Variants in KCNIP1 observed in about 807,000 individuals in gnomAD.
KCNIP1 encodes the protein A-type potassium channel modulatory protein KCNIP1.
Under a neutral mutation model 33.0 loss-of-function variants are expected in KCNIP1, and 18 were observed. That is an observed-to-expected ratio of 0.55 (90% CI 0.38 to 0.81). The LOEUF (loss-of-function observed/expected upper bound fraction) is 0.81, where lower values mean the gene tolerates loss of function less well. Among genes scored for constraint, KCNIP1 ranks in the 30% least tolerant of loss-of-function variants. The pLI, the probability that KCNIP1 is intolerant of heterozygous loss-of-function variation, is 0.00. For synonymous variants in KCNIP1, 93 were observed against 98.3 expected (o/e 0.95, Z 0.32); for missense variants, 238 against 271.6 (o/e 0.88, Z 0.87).
intron 1 of KCNIP1, chr5:170,378,401 G>T: frequency 3.1e-6 from 1 of 326,136 alleles, no homozygotes; most frequent in Admixed American, 4.6e-5. Context: ...TTCTCTGTGG[G>T]GCACATAGTG....
rs188423232 is a variant in KCNIP1, at chr5:170,692,382, G to A, written c.62-26376G>A. ...TGAAAATAAATCCCCCAGGCTTGGAGAAGCAAAGAATCAATGCTAAGCAGC... is the reference window on the plus strand; with the variant it reads ...TGAAAATAAATCCCCCAGGCTTGGAAAAGCAAAGAATCAATGCTAAGCAGC... On this transcript the variant is annotated intron_variant, in intron 1 of 7. Coordinates refer to ENST00000328939, the MANE Select transcript of KCNIP1 (RefSeq NM_014592.4). Among the ~76,000 whole-genome samples the A allele has an allele frequency of 7.9e-5, 12 of 152,342 alleles. No homozygotes were observed. In the East Asian group the frequency reaches 2.3e-3, roughly 29 times the overall value.
At chr5:170,414,691 A>G (rs914173790) in intron 1 of KCNIP1, among the ~76,000 whole-genome samples, 1 of 152,262 alleles carries the variant, frequency 6.6e-6, no homozygotes, top group Non-Finnish European at 1.5e-5. Flanking sequence ...CTAGATGTTG[A>G]CTATTGAATG....
chr5:170,371,692 G>T (rs1462399160), intron 1 of KCNIP1, among the ~76,000 whole-genome samples: 1 of 152,182 alleles, frequency 6.6e-6, no homozygotes, highest in East Asian at 1.9e-4. Flanking sequence ...CATTCAGGTA[G>T]GTGTTCAACA....
At chr5:170,468,653 G>T (rs930361505) in intron 1 of KCNIP1, among the ~76,000 whole-genome samples, 3 of 152,066 alleles carry the variant, frequency 2.0e-5, no homozygotes, top group African/African-American at 7.2e-5. Context: ...GGCCGAGGTG[G>T]GTGGATAGCT....
intron 1 of KCNIP1, among the ~76,000 whole-genome samples, chr5:170,583,254 A>G (rs1757864668): frequency 6.6e-6 from 1 of 152,164 alleles, no homozygotes; most frequent in South Asian, 2.1e-4. Flanking sequence ...CATGACCACT[A>G]GCATCTAAGT....
chr5:170,665,653 C>T (rs958621768), intron 1 of KCNIP1, among the ~76,000 whole-genome samples: 20 of 152,210 alleles, frequency 1.3e-4, no homozygotes, highest in Non-Finnish European at 2.8e-4. Flanking sequence ...TTAACTCAGA[C>T]TTCCTTAGTT....
At chr5:170,439,393 C>G (rs867435066) in intron 1 of KCNIP1, among the ~76,000 whole-genome samples, 2 of 152,312 alleles carry the variant, frequency 1.3e-5, no homozygotes, top group Middle Eastern at 3.4e-3. Context: ...GGGCCCCGGG[C>G]TGGGCTGCCT....
chr5:170,646,925 C>T lies in KCNIP1; in HGVS notation c.62-71833C>T, dbSNP rs181282550. Among the ~76,000 whole-genome samples the T allele has an allele frequency of 8.2e-4, 125 of 152,164 alleles. 1 individual carries two copies. Among genetic ancestry groups the T allele is most frequent in the South Asian group, 1.7e-3 (8 of 4,818 alleles). ...CAGGATAAGGTTAATATACAAAAGTCGATCACTTTCCTATATACCAGCAAT... is the reference window on the plus strand; with the variant it reads ...CAGGATAAGGTTAATATACAAAAGTTGATCACTTTCCTATATACCAGCAAT... On this transcript the variant is annotated intron_variant, in intron 1 of 7. Transcript: ENST00000328939.
At chr5:170,407,891 AAC>A (rs1052466484) in intron 1 of KCNIP1, among the ~76,000 whole-genome samples, 3 of 53,650 alleles carry the variant, frequency 5.6e-5, no homozygotes, top group Non-Finnish European at 1.1e-4. Context: ...GTGACCTTCA[AAC>A]TATGGTGGCA....
At chr5:170,362,179 A>G (rs1157862663) in intron 1 of KCNIP1, among the ~76,000 whole-genome samples, 2 of 152,198 alleles carry the variant, frequency 1.3e-5, no homozygotes, top group Non-Finnish European at 2.9e-5. Context: ...ACTTACAGAT[A>G]TAAAGAGCGA....
intron 1 of KCNIP1, among the ~76,000 whole-genome samples, chr5:170,647,971 C>T (rs12187412): frequency 0.058 from 8,763 of 151,646 alleles, 306 homozygotes; most frequent in Non-Finnish European, 0.082. Context: ...AGCAGAAGAC[C>T]CGAACAGACA....
At chr5:170,390,035 A>G (rs954861281) in intron 1 of KCNIP1, among the ~76,000 whole-genome samples, 1 of 152,182 alleles carries the variant, frequency 6.6e-6, no homozygotes, top group Non-Finnish European at 1.5e-5. Context: ...TGAGAGCTCC[A>G]CAACTGCTTC....
chr5:170,675,630 T>C (rs1000317328), intron 1 of KCNIP1, among the ~76,000 whole-genome samples: 3 of 152,102 alleles, frequency 2.0e-5, no homozygotes, highest in African/African-American at 7.2e-5. Flanking sequence ...TAAAATAAAA[T>C]AAATTGCTCT....
intron 1 of KCNIP1, among the ~76,000 whole-genome samples, chr5:170,686,929 G>A (rs1762554920): frequency 6.6e-6 from 1 of 151,876 alleles, no homozygotes; most frequent in Non-Finnish European, 1.5e-5. Context: ...TGCACTTTTT[G>A]TGCCCTTCCT....
At chr5:170,396,716 G>C (rs993695510) in intron 1 of KCNIP1, among the ~76,000 whole-genome samples, 3 of 152,166 alleles carry the variant, frequency 2.0e-5, no homozygotes, top group African/African-American at 7.2e-5. Context: ...CCACGAAGGG[G>C]GGTTATGGAA....
intron 1 of KCNIP1, among the ~76,000 whole-genome samples, chr5:170,633,757 C>T (rs1452044645): frequency 6.3e-4 from 1 of 1,576 alleles, no homozygotes; most frequent in Non-Finnish European, 1.5e-3. Flanking sequence ...GGGGGCGGGG[C>T]GGAGGGGGGA....
intron 1 of KCNIP1, among the ~76,000 whole-genome samples, chr5:170,637,003 A>T (rs914299275): frequency 6.6e-6 from 1 of 152,048 alleles, no homozygotes; most frequent in East Asian, 1.9e-4. Context: ...CCCACCCCCA[A>T]CCCATCCCCA....
intron 1 of KCNIP1, among the ~76,000 whole-genome samples, chr5:170,666,113 G>A (rs975139319): frequency 2.0e-5 from 3 of 152,194 alleles, no homozygotes; most frequent in African/African-American, 4.8e-5. Flanking sequence ...CTCCTTGAGC[G>A]TGGGCCATCT....
intron 1 of KCNIP1, among the ~76,000 whole-genome samples, chr5:170,661,970 C>T (rs1257080877): frequency 6.6e-6 from 1 of 152,180 alleles, no homozygotes; most frequent in Non-Finnish European, 1.5e-5. Flanking sequence ...CACTCCTTGT[C>T]TCCAGGCCTG....
Sources: gnomAD v4.1 joint callset for allele counts (sites outside exome capture counted in the v4.1 genomes callset) on GRCh38, gnomAD v4.1.1 for gene constraint, MANE v1.5 for transcripts, NCBI Gene and HGNC (gene_info 2026-07-23, HGNC 2026-07-21) for gene names.